Variants in UBE4B observed in about 807,000 individuals in gnomAD.
The protein encoded by UBE4B is ubiquitin conjugation factor E4 B.
In UBE4B, 27 loss-of-function variants were observed where a neutral mutation model predicts 148.1. The ratio of observed to expected loss-of-function variants is 0.18; its 90% confidence interval spans 0.13 to 0.25. The LOEUF is 0.25. Ranked by LOEUF, UBE4B falls within the 10% of genes least tolerant of loss-of-function variation. UBE4B has a pLI of 1.00. For synonymous variants in UBE4B, 596 were observed against 619.3 expected, an observed-to-expected ratio of 0.96 and a Z score of 0.56; for missense variants, 1,170 against 1,662.4, an observed-to-expected ratio of 0.70 and a Z score of 5.15.
At chr1:10,038,553 A>G (rs1424922423) in intron 1 of UBE4B, among the ~76,000 whole-genome samples, 1 of 152,170 alleles carries the variant, frequency 6.6e-6, no homozygotes, top group Non-Finnish European at 1.5e-5. Context: ...CTTAGAAGTG[A>G]TGGGGTTGGA....
chr1:10,103,212 C>T, intron 5 of UBE4B, 120 bp downstream of exon 5: 1 of 1,028,820 alleles, frequency 9.7e-7, no homozygotes, highest in Non-Finnish European at 1.4e-6. Context: ...TTTTTGATGA[C>T]AGGGATACTT....
chr1:10,139,396 G>GA (rs543808855), intron 17 of UBE4B, among the ~76,000 whole-genome samples: 2,928 of 139,546 alleles, frequency 0.021, 37 homozygotes, highest in Non-Finnish European at 0.029. Flanking sequence ...CTCAACAAAA[G>GA]AAAAAAAAAA....
Position 10,106,078 on chromosome 1 carries a change from T to C in UBE4B, c.810-119T>C, listed in dbSNP as rs1287309182. On this transcript the variant is annotated intron_variant, in intron 6 of 27. Transcript: ENST00000343090. This position sits in a 1 kb window ranked among gnomAD's most constrained non-coding sequence, Gnocchi z 4.2. Reference sequence around the variant, plus strand: ...TATAATTATTTAGATGTTTATCTGCTAGATATACTTGAACTGAAATGATTC... The same window carrying C: ...TATAATTATTTAGATGTTTATCTGCCAGATATACTTGAACTGAAATGATTC... 1.7e-6 allele frequency: 2 copies of C among 1,170,330 alleles called. No individual in the cohort carries two copies. Among genetic ancestry groups the C allele is most frequent in the African/African-American group, 3.1e-5 (2 of 64,408 alleles). The allele number at this position is 1,170,330 out of a possible 1,614,324, so 72.5% of individuals were successfully genotyped here.
chr1:10,086,966 C>T (rs1363260107), intron 2 of UBE4B, among the ~76,000 whole-genome samples: 1 of 152,206 alleles, frequency 6.6e-6, no homozygotes, highest in African/African-American at 2.4e-5. Context: ...GCCACCGCGC[C>T]TGGCCTCCCC....
chr1:10,090,127 G>T (rs778705634), intron 2 of UBE4B, among the ~76,000 whole-genome samples: 85 of 84,352 alleles, frequency 1.0e-3, no homozygotes, highest in Middle Eastern at 0.011. Context: ...GTGTGTGTGT[G>T]TTTTTTTTTT....
rs1339438490 is a variant in UBE4B, at chr1:10,158,390, T to C, written c.2961T>C (p.Tyr987=). 1 of 1,614,214 alleles carries C rather than the reference T, an allele frequency of 6.2e-7. No homozygotes were observed. Among genetic ancestry groups the C allele is most frequent in the African/African-American group, 1.3e-5 (1 of 75,060 alleles). Residue 987 remains tyrosine (Y), a synonymous_variant, in exon 22 of 28, where the codon TAT becomes TAC. Transcript: ENST00000343090. ...ATACCGGAGCCACCAGTGAGTTTTA[T>C]GACAAGTTCACAATTCGCTATCATA... The part of the protein sequence containing the change: ...VEHTGATSEF[Y]DKFTIRYHIS...
At chr1:10,143,573 C>G (rs767088023) in intron 17 of UBE4B, among the ~76,000 whole-genome samples, 2 of 152,174 alleles carry the variant, frequency 1.3e-5, no homozygotes, top group Non-Finnish European at 2.9e-5. Context: ...AAATCCATAC[C>G]CTTAATCACA....
intron 21 of UBE4B, among the ~76,000 whole-genome samples, chr1:10,153,159 G>A (rs764396874): frequency 1.3e-5 from 2 of 152,044 alleles, no homozygotes; most frequent in African/African-American, 2.4e-5. Context: ...AGGGCGGGCT[G>A]CCAAAGGAAA....
chr1:10,049,595 T>A (rs1044015452), intron 1 of UBE4B, among the ~76,000 whole-genome samples: 1 of 151,360 alleles, frequency 6.6e-6, no homozygotes, highest in Non-Finnish European at 1.5e-5. Flanking sequence ...AAAAAAAAAT[T>A]TTTTTAAATT....
rs1387712717 is a variant in UBE4B, at chr1:10,145,012, G to C, written c.2436G>C (p.Met812Ile). ...CACTGGCAACTAGACACCGCGAAAT[G>C]CTGAAGCGCTGTAAAACTCAGCTTA... ...DSPLATRHRE[M>I]LKRCKTQLKK... The change falls in exon 18 of 28, where the codon ATG becomes ATC. Residue 812 changes from methionine (M) to isoleucine (I), a missense_variant. Physicochemically the swap from Met to Ile is conservative, Grantham distance 10. Around this residue, in one of 6 missense-constraint regions of UBE4B, gnomAD observed 388 missense variants for 536.0 expected, o/e 0.72. Coordinates refer to ENST00000343090, the MANE Select transcript of UBE4B (RefSeq NM_001105562.3). 6.2e-7 allele frequency: 1 copy of C among 1,613,700 alleles called. No individual in the cohort carries two copies. Among genetic ancestry groups the C allele is most frequent in the Non-Finnish European group, 8.5e-7 (1 of 1,179,838 alleles).
Position 10,127,698 on chromosome 1 carries a change from A to G in UBE4B, c.1638+821A>G, listed in dbSNP as rs74474963. Among the ~76,000 whole-genome samples, 29 of 152,250 alleles carry G rather than the reference A, an allele frequency of 1.9e-4. No individual in the cohort carries two copies. In the East Asian group the frequency reaches 4.2e-3, roughly 22 times the overall value. On this transcript the variant is annotated intron_variant, in intron 11 of 27. Coordinates refer to ENST00000343090, the MANE Select transcript of UBE4B (RefSeq NM_001105562.3). ...TTCTTTTACTTATTCCACTGATTGG[A>G]TTCCATTATACCATGAATTCATTAC...
intron 23 of UBE4B, among the ~76,000 whole-genome samples, chr1:10,166,662 G>T: frequency 6.6e-6 from 1 of 152,002 alleles, no homozygotes; most frequent in Middle Eastern, 3.2e-3. Flanking sequence ...ATTGGCTCAC[G>T]CCTGTAATCC....
At chr1:10,069,481 T>C (rs1398461049) in intron 1 of UBE4B, among the ~76,000 whole-genome samples, 1 of 151,888 alleles carries the variant, frequency 6.6e-6, no homozygotes, top group African/African-American at 2.4e-5. Context: ...AAAAAATAAG[T>C]AGGGAAAGGG....
chr1:10,082,969 C>T (rs900888117), intron 2 of UBE4B, among the ~76,000 whole-genome samples: 11 of 152,068 alleles, frequency 7.2e-5, no homozygotes, highest in Non-Finnish European at 8.8e-5. Flanking sequence ...TCATCCATGT[C>T]CCTGCAAAGG....
At position 10,155,080 on chromosome 1, in the gene UBE4B, AGAGAGTGTGTGTGTGT is replaced by A. The variant is rs1054802537; in HGVS notation, c.2927-3274_2927-3259del. ...GTGGCTTCAGGAGAGAGAGAGAGAG[AGAGAGTGTGTGTGTGT>A]GTGTGTGTGTGTGTTTGTGTATTTG... On this transcript the variant is annotated intron_variant, in intron 21 of 27. Transcript: ENST00000343090. Among the ~76,000 whole-genome samples the A allele has an allele frequency of 5.4e-5, 8 of 148,960 alleles. No individual in the cohort carries two copies. The East Asian group carries it at 1.2e-3, about 23-fold the overall frequency.
At position 10,180,546 on chromosome 1, in the gene UBE4B, TG is replaced by T. The variant is rs1245328613; in HGVS notation, c.*591del. ...TATTTTTATATCATATTCACATATT[TG>T]TTTTTTTAATTGGTGTTAGATGACA... is the stretch of plus-strand genomic sequence containing the variant. On this transcript the variant is annotated 3_prime_UTR_variant, in exon 28 of 28. Coordinates refer to ENST00000343090, the MANE Select transcript of UBE4B (RefSeq NM_001105562.3). 2.6e-5 allele frequency: 4 copies of T among 152,656 alleles called. No individual in the cohort carries two copies. The highest frequency in any genetic ancestry group is 9.7e-5 in the African/African-American group (4 of 41,442). 9.5% of individuals were successfully genotyped at this position (152,656 alleles called of 1,614,324 possible). A position where few individuals can be genotyped will look rare whatever the true frequency, so the allele number is the denominator to read the frequency against.
At chr1:10,122,389 C>T (rs1467742042) in intron 10 of UBE4B, among the ~76,000 whole-genome samples, 1 of 152,136 alleles carries the variant, frequency 6.6e-6, no homozygotes, top group Non-Finnish European at 1.5e-5. Context: ...TACCCAGAGA[C>T]GGCATAAGGC....
rs1175769529 is a variant in UBE4B at position 10,053,774 on chromosome 1, C to T, written c.25-18254C>T. Among the ~76,000 whole-genome samples, 4 of 152,252 alleles carry T rather than the reference C, an allele frequency of 2.6e-5. No homozygotes were observed. The East Asian group carries it at 5.8e-4, about 22-fold the overall frequency. The stretch of plus-strand genomic sequence containing the variant: ...CGTGATCACGGCTCACTTGCAGCCT[C>T]GACCTTTCGGGCTCAAGTGATCCTC... On this transcript the variant is annotated intron_variant, in intron 1 of 27. Coordinates refer to ENST00000343090, the MANE Select transcript of UBE4B (RefSeq NM_001105562.3).
chr1:10,097,946 C>G (rs1322207351), intron 3 of UBE4B, among the ~76,000 whole-genome samples: 1 of 152,108 alleles, frequency 6.6e-6, no homozygotes, highest in Non-Finnish European at 1.5e-5. Context: ...TCTCGGCTCA[C>G]TGCAACCTCC....
Sources: gnomAD v4.1 joint callset for allele counts (sites outside exome capture counted in the v4.1 genomes callset) on GRCh38, gnomAD v4.1.1 for gene constraint, gnomAD v4.1.1 regional missense constraint, Gnocchi (gnomAD v3.1) non-coding constraint, MANE v1.5 for transcripts, NCBI Gene and HGNC (gene_info 2026-07-23, HGNC 2026-07-21) for gene names.